Variants in TRPM6 observed in about 807,000 individuals in gnomAD.
TRPM6 encodes the protein transient receptor potential cation channel subfamily M member 6, also known as channel kinase 2.
TRPM6 carries 111 observed loss-of-function variants against 247.6 expected under a neutral mutation model. That is an observed-to-expected ratio of 0.45 (90% confidence interval 0.38 to 0.52). TRPM6 has a LOEUF of 0.52. Among genes scored for constraint, TRPM6 ranks in the 20% least tolerant of loss-of-function variants. TRPM6 has a pLI of 0.00. For synonymous variants in TRPM6, 892 were observed against 853.8 expected, an observed-to-expected ratio of 1.04 and a Z score of -0.78; for missense variants, 2,126 against 2,421.5, an observed-to-expected ratio of 0.88 and a Z score of 2.56.
rs548186701 is a variant in TRPM6, at chr9:74,840,973, G to A, written c.331-736C>T. On this transcript the variant is annotated intron_variant, in intron 4 of 38. Coordinates refer to ENST00000360774, the MANE Select transcript of TRPM6 (RefSeq NM_017662.5). ...AAATGGGATTTTTCATAAATGCTAT[G>A]GCTTTCTGTTTACTTAATCATTTCA... 3.4e-4 allele frequency among the ~76,000 whole-genome samples: 51 copies of A among 152,160 alleles called. No homozygotes were observed. In the East Asian group the frequency reaches 9.1e-3, roughly 27 times the overall value.
intron 22 of TRPM6, 26 bp downstream of exon 22, chr9:74,782,653 G>A: frequency 6.2e-7 from 1 of 1,612,080 alleles, no homozygotes; most frequent in Non-Finnish European, 8.5e-7. Context: ...CACAATTTCT[G>A]CATGACGGTA....
At chr9:74,782,554 T>C (rs1460204916) in intron 22 of TRPM6, 78 bp from the exon 23 acceptor site, 1 of 1,444,254 alleles carries the variant, frequency 6.9e-7, no homozygotes, top group African/African-American at 1.4e-5. Context: ...ATTTAGCACA[T>C]TAACTGCACA....
intron 28 of TRPM6, among the ~76,000 whole-genome samples, chr9:74,755,137 AT>A (rs1400604122): frequency 6.6e-6 from 1 of 152,126 alleles, no homozygotes; most frequent in Non-Finnish European, 1.5e-5. Flanking sequence ...CTAAATCTTA[AT>A]TTTTCTTTTC....
At chr9:74,800,905 T>TG (rs948398366) in intron 16 of TRPM6, among the ~76,000 whole-genome samples, 4 of 105,610 alleles carry the variant, frequency 3.8e-5, no homozygotes, top group South Asian at 3.1e-4. Context: ...ATAAAGTGTG[T>TG]TTTTTTTTTT....
At chr9:74,845,908 T>A (rs796928904) in intron 3 of TRPM6, among the ~76,000 whole-genome samples, 11 of 152,176 alleles carry the variant, frequency 7.2e-5, no homozygotes, top group African/African-American at 2.7e-4. Context: ...AAAATACAAA[T>A]GTAGAGGGAA....
At chr9:74,840,309 C>T in intron 4 of TRPM6, 72 bp from the exon 5 acceptor site, 4 of 1,103,720 alleles carry the variant, frequency 3.6e-6, no homozygotes, top group Non-Finnish European at 5.4e-6. Flanking sequence ...ACAATGAGCA[C>T]ACAGCAGGGC....
chr9:74,733,221 G>T (rs1334866009), intron 36 of TRPM6, among the ~76,000 whole-genome samples: 2 of 150,734 alleles, frequency 1.3e-5, no homozygotes, highest in Non-Finnish European at 3.0e-5. Flanking sequence ...AAAAAAGCAC[G>T]TAAAAAAAAT....
chr9:74,748,189 T>C (rs980448453), intron 30 of TRPM6, among the ~76,000 whole-genome samples: 3 of 152,200 alleles, frequency 2.0e-5, no homozygotes, highest in Non-Finnish European at 2.9e-5. Context: ...GCATTACTTA[T>C]GTGTTTGTAA....
chr9:74,763,182 G>C (rs750410775), intron 25 of TRPM6, 48 bp from the exon 26 acceptor site: 12 of 1,577,142 alleles, frequency 7.6e-6, no homozygotes, highest in Non-Finnish European at 8.6e-7. Flanking sequence ...TAAGCCAGTG[G>C]GAATTTGCTC....
chr9:74,761,501 G>A (rs1435250399), intron 27 of TRPM6, among the ~76,000 whole-genome samples, 195 bp downstream of exon 27: 1 of 152,164 alleles, frequency 6.6e-6, no homozygotes, highest in Non-Finnish European at 1.5e-5. Context: ...CATGTGCCCA[G>A]AGGTTCAAGG....
intron 3 of TRPM6, among the ~76,000 whole-genome samples, chr9:74,854,126 G>C (rs1830451325): frequency 6.6e-6 from 1 of 152,302 alleles, no homozygotes; most frequent in South Asian, 2.1e-4. Context: ...GACTAGGAGA[G>C]ACTGCTCAGT....
Position 74,782,805 on chromosome 9 carries a change from T to C in TRPM6, c.2968A>G (p.Ser990Gly). Residue 990 changes from serine to glycine, a missense_variant, in exon 22 of 39, where the codon AGC (serine) becomes GGC (glycine). Ser to Gly is a moderately conservative substitution (Grantham distance 56). Transcript: ENST00000360774. ...ATGGCCTTGCGTGCCACTCCAAAGC[T>C]CAGCAGGACTATGGCCATGATGATC... ...IVIIMAIVLL[S>G]FGVARKAILS... The C allele has an allele frequency of 1.2e-6, 2 of 1,614,102 alleles. No individual in the cohort carries two copies. The highest frequency in any genetic ancestry group is 1.7e-6 in the Non-Finnish European group (2 of 1,180,014).
intron 36 of TRPM6, 28 bp downstream of exon 36, chr9:74,738,379 T>C: frequency 6.2e-7 from 1 of 1,611,854 alleles, no homozygotes; most frequent in South Asian, 1.1e-5. Context: ...CTCATGCTTG[T>C]TGTATCAAAT....
At chr9:74,756,683 A>T (rs1464696720) in intron 27 of TRPM6, among the ~76,000 whole-genome samples, 4 of 140,258 alleles carry the variant, frequency 2.9e-5, no homozygotes, top group African/African-American at 1.1e-4. Context: ...CGTCTCTACA[A>T]AAAAAAAAAA....
At chr9:74,823,227 G>T (rs114232690) in intron 7 of TRPM6, among the ~76,000 whole-genome samples, 5,006 of 152,212 alleles carry the variant, frequency 0.033, 259 homozygotes, top group African/African-American at 0.11. Context: ...CTCATGGTGA[G>T]ACATCTACAG....
chr9:74,768,750 T>G (rs1826912176), intron 25 of TRPM6, among the ~76,000 whole-genome samples: 1 of 152,234 alleles, frequency 6.6e-6, no homozygotes, highest in Non-Finnish European at 1.5e-5. Flanking sequence ...CACTGCACTA[T>G]TCTCTCAAAT....
intron 11 of TRPM6, among the ~76,000 whole-genome samples, chr9:74,813,990 G>A (rs755254638): frequency 4.6e-5 from 7 of 152,242 alleles, no homozygotes; most frequent in East Asian, 1.9e-4. Context: ...CCAGCTACTC[G>A]GGAAGCTGAG....
At chr9:74,870,872 G>A (rs1458962714) in intron 1 of TRPM6, among the ~76,000 whole-genome samples, 7 of 151,914 alleles carry the variant, frequency 4.6e-5, no homozygotes, top group Non-Finnish European at 4.4e-5. Context: ...TTGGGAGGTT[G>A]CAGTGAGCCA....
intron 5 of TRPM6, among the ~76,000 whole-genome samples, chr9:74,838,599 T>C (rs1193256262): frequency 1.3e-5 from 2 of 152,208 alleles, no homozygotes; most frequent in Non-Finnish European, 2.9e-5. Flanking sequence ...CATCCTAGCC[T>C]GTAAGGCAAA....
Sources: gnomAD v4.1 joint callset for allele counts (sites outside exome capture counted in the v4.1 genomes callset) on GRCh38, gnomAD v4.1.1 for gene constraint, MANE v1.5 for transcripts, NCBI Gene and HGNC (gene_info 2026-07-23, HGNC 2026-07-21) for gene names.